Variants in DENND5B observed in about 807,000 individuals in gnomAD.
The protein encoded by DENND5B is DENN domain containing 5B.
A neutral mutation model predicts 140.6 loss-of-function variants in DENND5B; 34 were observed. The observed-to-expected ratio is 0.24, with a 90% CI of 0.18 to 0.32. The LOEUF (loss-of-function observed/expected upper bound fraction) is 0.32, where lower values mean the gene tolerates loss of function less well. Among genes scored for constraint, DENND5B ranks in the 10% least tolerant of loss-of-function variants. DENND5B has a pLI of 1.00. For missense variants in DENND5B, 1,142 were observed against 1,560.2 expected, an observed-to-expected ratio of 0.73 and a Z score of 4.52; for synonymous variants, 551 against 562.1, an observed-to-expected ratio of 0.98 and a Z score of 0.28.
intron 6 of DENND5B, 128 bp downstream of exon 6, chr12:31,447,410 G>T: frequency 1.3e-6 from 1 of 781,512 alleles, no homozygotes; most frequent in Non-Finnish European, 2.0e-6. Context: ...AGCATTTCGT[G>T]ATATAGTACC....
At chr12:31,402,413 CAAGGAAA>C in intron 15 of DENND5B, 78 bp downstream of exon 15, 1 of 1,469,520 alleles carries the variant, frequency 6.8e-7, no homozygotes, top group East Asian at 2.3e-5. Flanking sequence ...TTATTTGATT[CAAGGAAA>C]AATGAAAAAG....
intron 2 of DENND5B, among the ~76,000 whole-genome samples, chr12:31,488,156 A>G (rs1411883221): frequency 1.5e-5 from 2 of 136,370 alleles, no homozygotes; most frequent in Admixed American, 7.5e-5. Flanking sequence ...TTGTACTTTT[A>G]GTAGAGACGA....
intron 5 of DENND5B, among the ~76,000 whole-genome samples, chr12:31,451,380 G>A (rs1291292544): frequency 6.6e-6 from 1 of 152,074 alleles, no homozygotes; most frequent in African/African-American, 2.4e-5. Flanking sequence ...CCGGAGTACA[G>A]TGGCGCTATC....
chr12:31,523,404 C>A (rs555011757), intron 1 of DENND5B, among the ~76,000 whole-genome samples: 14 of 152,178 alleles, frequency 9.2e-5, no homozygotes, highest in African/African-American at 3.4e-4. Flanking sequence ...TGGCAGGAGA[C>A]AAGACTGAGA....
intron 1 of DENND5B, chr12:31,500,781 G>T (rs7136476): frequency 0.57 from 89,612 of 157,462 alleles, 25,946 homozygotes; most frequent in East Asian, 0.82. Flanking sequence ...GACAAGGATA[G>T]GAAGTGACAG....
At chr12:31,414,626 C>T (rs1942625572) in intron 12 of DENND5B, among the ~76,000 whole-genome samples, 1 of 151,898 alleles carries the variant, frequency 6.6e-6, no homozygotes, top group South Asian at 2.1e-4. Context: ...TTGAGGCCAG[C>T]CTGGGCAATT....
At chr12:31,426,525 A>T (rs1593134508) in intron 8 of DENND5B, 101 bp from the exon 9 acceptor site, 3 of 1,359,138 alleles carry the variant, frequency 2.2e-6, no homozygotes, top group Non-Finnish European at 3.0e-6. Flanking sequence ...AATGCAAAAA[A>T]GTCCGTAAGT....
At chr12:31,450,747 C>G (rs531900999) in intron 5 of DENND5B, among the ~76,000 whole-genome samples, 1 of 152,160 alleles carries the variant, frequency 6.6e-6, no homozygotes, top group Non-Finnish European at 1.5e-5. Flanking sequence ...CTTTAGAAGG[C>G]CTTTCATGAC....
intron 1 of DENND5B, among the ~76,000 whole-genome samples, chr12:31,516,114 T>A (rs1201308639): frequency 6.6e-6 from 1 of 152,218 alleles, no homozygotes; most frequent in African/African-American, 2.4e-5. Context: ...TACTAAAGTA[T>A]GTCATTTATT....
intron 1 of DENND5B, among the ~76,000 whole-genome samples, chr12:31,581,412 C>T (rs984424095): frequency 3.3e-5 from 5 of 152,010 alleles, no homozygotes; most frequent in South Asian, 4.2e-4. Flanking sequence ...TTGTAGCTTT[C>T]GGCCAGGCAC....
intron 14 of DENND5B, among the ~76,000 whole-genome samples, chr12:31,406,765 C>T (rs959233076): frequency 3.9e-5 from 6 of 152,130 alleles, no homozygotes; most frequent in African/African-American, 1.2e-4. Context: ...GAGAAATCTA[C>T]AGATATAAGG....
At chr12:31,534,799 C>T (rs77458757) in intron 1 of DENND5B, 5,373 of 445,464 alleles carry the variant, frequency 0.012, 63 homozygotes, top group East Asian at 0.027. Flanking sequence ...TATCAAATGC[C>T]GTTTCTTTGA....
intron 11 of DENND5B, 30 bp from the exon 12 acceptor site, chr12:31,415,478 GA>G: frequency 6.6e-7 from 1 of 1,510,218 alleles, no homozygotes; most frequent in Non-Finnish European, 9.0e-7. Flanking sequence ...CAAAATATTA[GA>G]AAAGTAATAA....
chr12:31,430,555 C>T (rs942006846), intron 8 of DENND5B, among the ~76,000 whole-genome samples: 2 of 149,324 alleles, frequency 1.3e-5, no homozygotes, highest in Admixed American at 6.7e-5. Flanking sequence ...CCTGTAGTCC[C>T]AGCTACTTGG....
intron 7 of DENND5B, among the ~76,000 whole-genome samples, chr12:31,434,795 C>T (rs1280822555): frequency 2.0e-5 from 3 of 152,150 alleles, no homozygotes; most frequent in Non-Finnish European, 4.4e-5. Context: ...TTCACCTCCA[C>T]TCAGCTTTAG....
intron 1 of DENND5B, among the ~76,000 whole-genome samples, chr12:31,564,399 T>TTG (rs1949564451): frequency 6.6e-6 from 1 of 151,810 alleles, no homozygotes; most frequent in African/African-American, 2.4e-5. Flanking sequence ...AGGTAGGAAC[T>TTG]GTTAAGAGTC....
chr12:31,547,781 C>G, intron 1 of DENND5B, among the ~76,000 whole-genome samples: 1 of 152,062 alleles, frequency 6.6e-6, no homozygotes, highest in Non-Finnish European at 1.5e-5. Context: ...TCTTGGTTCA[C>G]TGCAACCTCT....
At chr12:31,590,609 T>C in intron 1 of DENND5B, 97 bp downstream of exon 1, 2 of 1,303,996 alleles carry the variant, frequency 1.5e-6, no homozygotes, top group Non-Finnish European at 2.0e-6. Flanking sequence ...CACCGGGAGC[T>C]GACTTTGTCT....
At chr12:31,423,283 TA>T (rs1260633930) in intron 11 of DENND5B, among the ~76,000 whole-genome samples, 1 of 152,000 alleles carries the variant, frequency 6.6e-6, no homozygotes, top group African/African-American at 2.4e-5. Context: ...CTAGTGAGAG[TA>T]ATGTATCCTT....
Sources: allele counts gnomAD v4.1 joint callset (sites outside exome capture counted in the v4.1 genomes callset), GRCh38; gene constraint gnomAD v4.1.1; transcripts MANE v1.5; gene names NCBI Gene and HGNC (gene_info 2026-07-23, HGNC 2026-07-21).